Variants in DOCK2 observed in about 807,000 individuals in gnomAD.
DOCK2 encodes the protein dedicator of cytokinesis 2.
A neutral mutation model predicts 248.9 loss-of-function variants in DOCK2; 87 were observed. The ratio of observed to expected loss-of-function variants is 0.35; its 90% CI spans 0.29 to 0.42. The LOEUF (loss-of-function observed/expected upper bound fraction) is 0.42. Among genes scored for constraint, DOCK2 ranks in the 10% least tolerant of loss-of-function variants. The pLI is 1.00. For missense variants in DOCK2, 1,747 were observed against 2,300.2 expected (o/e 0.76, Z 4.92); for synonymous variants, 805 against 821.6 (o/e 0.98, Z 0.35).
intron 27 of DOCK2, among the ~76,000 whole-genome samples, chr5:169,919,170 GT>G (rs770842612): frequency 7.9e-5 from 12 of 152,114 alleles, no homozygotes; most frequent in Non-Finnish European, 1.5e-4. Flanking sequence ...TGTTCCAGAG[GT>G]GATGTTGCTC....
intron 38 of DOCK2, among the ~76,000 whole-genome samples, chr5:170,045,505 T>A (rs1756675116): frequency 1.3e-5 from 2 of 152,168 alleles, no homozygotes; most frequent in African/African-American, 2.4e-5. Context: ...TGAACCTCTG[T>A]TTCTGACCCG....
intron 27 of DOCK2, among the ~76,000 whole-genome samples, chr5:169,890,628 A>T (rs549406720): frequency 9.3e-4 from 142 of 152,334 alleles, no homozygotes; most frequent in Middle Eastern, 6.8e-3. Context: ...TCAAAGAAAC[A>T]AAGGGAATTG....
intron 17 of DOCK2, among the ~76,000 whole-genome samples, chr5:169,712,774 T>C (rs1376130324): frequency 6.6e-6 from 1 of 152,218 alleles, no homozygotes; most frequent in Non-Finnish European, 1.5e-5. Context: ...ATCTAAACTA[T>C]AAAGGGAGTG....
At chr5:170,018,867 TG>T in intron 32 of DOCK2, 92 bp from the exon 33 acceptor site, 1 of 1,472,498 alleles carries the variant, frequency 6.8e-7, no homozygotes, top group Non-Finnish European at 9.2e-7. Context: ...TTTACTATTA[TG>T]CTTCCCTTTT....
At chr5:169,732,085 C>G (rs1330292911) in intron 22 of DOCK2, among the ~76,000 whole-genome samples, 1 of 152,190 alleles carries the variant, frequency 6.6e-6, no homozygotes, top group Non-Finnish European at 1.5e-5. Flanking sequence ...CACCACTGCA[C>G]TCCAGCCTGG....
chr5:169,644,143 G>A (rs577085385), intron 1 of DOCK2, among the ~76,000 whole-genome samples: 277 of 152,278 alleles, frequency 1.8e-3, no homozygotes, highest in Non-Finnish European at 3.0e-3. Flanking sequence ...GCAGTGCCTC[G>A]TAGGTATTGT....
At chr5:169,883,697 T>A (rs1026760749) in intron 27 of DOCK2, 1 of 1,551,152 alleles carries the variant, frequency 6.4e-7, no homozygotes, top group Non-Finnish European at 8.7e-7. Context: ...GTTGCTTGAG[T>A]CTTCCCCATC....
At chr5:169,921,354 T>C (rs1775165154) in intron 27 of DOCK2, among the ~76,000 whole-genome samples, 1 of 152,202 alleles carries the variant, frequency 6.6e-6, no homozygotes, top group Admixed American at 6.5e-5. Context: ...ATTTACTATG[T>C]TATTGTTCTT....
chr5:169,998,513 G>C (rs1754724919), intron 30 of DOCK2, among the ~76,000 whole-genome samples: 1 of 152,240 alleles, frequency 6.6e-6, no homozygotes, highest in South Asian at 2.1e-4. Flanking sequence ...ATACATGCCA[G>C]ATCTCACGAG....
Position 169,876,257 on chromosome 5 carries a change from G to C in DOCK2, c.2799+35405G>C, listed in dbSNP as rs188460665. On this transcript the variant is annotated intron_variant, in intron 27 of 51. Transcript: ENST00000520908. The stretch of plus-strand genomic sequence containing the variant: ...TCCTTCACTTCATTTCATCTGCAAA[G>C]TCCCTTTTGCCAAATAAGGTCACAT... Among the ~76,000 whole-genome samples the C allele has an allele frequency of 7.2e-5, 11 of 152,330 alleles. No homozygotes were observed. In the East Asian group the frequency reaches 2.1e-3, roughly 29 times the overall value.
intron 33 of DOCK2, among the ~76,000 whole-genome samples, chr5:170,020,401 C>G (rs1303750981): frequency 6.6e-6 from 1 of 152,184 alleles, no homozygotes. Flanking sequence ...TACTGCCTTG[C>G]TTTATACTCA....
chr5:169,838,572 G>T (rs1280836502), intron 26 of DOCK2, among the ~76,000 whole-genome samples: 3 of 152,184 alleles, frequency 2.0e-5, no homozygotes, highest in African/African-American at 4.8e-5. Context: ...GAAATCAGGA[G>T]AGAGGTTCAT....
At chr5:169,671,338 G>A (rs1230722312) in intron 5 of DOCK2, among the ~76,000 whole-genome samples, 164 bp downstream of exon 5, 1 of 152,270 alleles carries the variant, frequency 6.6e-6, no homozygotes, top group East Asian at 1.9e-4. Flanking sequence ...AGAGGATCAG[G>A]GACTTTCTCA....
At chr5:169,906,250 G>C (rs1774270385) in intron 27 of DOCK2, among the ~76,000 whole-genome samples, 1 of 152,116 alleles carries the variant, frequency 6.6e-6, no homozygotes, top group African/African-American at 2.4e-5. Flanking sequence ...TCAGCTAAGA[G>C]AGCCTCAGTT....
intron 27 of DOCK2, among the ~76,000 whole-genome samples, chr5:169,950,166 C>T (rs549845389): frequency 2.6e-5 from 4 of 152,146 alleles, no homozygotes; most frequent in South Asian, 2.1e-4. Context: ...CAGGAGCCAT[C>T]GTGGAAGGTG....
intron 27 of DOCK2, among the ~76,000 whole-genome samples, chr5:169,962,920 G>A (rs557797941): frequency 6.6e-6 from 1 of 152,164 alleles, no homozygotes; most frequent in Non-Finnish European, 1.5e-5. Context: ...GCTATATTCT[G>A]CAAATACCCC....
intron 46 of DOCK2, among the ~76,000 whole-genome samples, chr5:170,069,470 T>C (rs981221443): frequency 1.3e-5 from 2 of 152,194 alleles, no homozygotes; most frequent in African/African-American, 2.4e-5. Flanking sequence ...GGTGCCAAGA[T>C]TATCTTATTT....
chr5:169,933,688 G>A (rs1261929340), intron 27 of DOCK2, among the ~76,000 whole-genome samples: 2 of 152,154 alleles, frequency 1.3e-5, no homozygotes, highest in Admixed American at 6.6e-5. Flanking sequence ...CACTAAGAGA[G>A]TACCTGTGTG....
chr5:169,755,495 C>G (rs1015857380), intron 23 of DOCK2, among the ~76,000 whole-genome samples: 2 of 152,126 alleles, frequency 1.3e-5, no homozygotes, highest in South Asian at 4.1e-4. Context: ...GTAATCCCAG[C>G]ACTTTGGGAG....
Sources: gnomAD v4.1 joint callset for allele counts (sites outside exome capture counted in the v4.1 genomes callset) on GRCh38, gnomAD v4.1.1 for gene constraint, MANE v1.5 for transcripts, NCBI Gene and HGNC (gene_info 2026-07-23, HGNC 2026-07-21) for gene names.